Variants in DSG4 observed in about 807,000 individuals in gnomAD.
DSG4 encodes the protein desmoglein-4.
In DSG4, 87 loss-of-function variants were observed where a neutral mutation model predicts 93.1. The observed-to-expected ratio is 0.93, with a 90% CI of 0.79 to 1.12. DSG4 has a LOEUF of 1.12. Among genes scored for constraint, DSG4 ranks in the 50% most tolerant of loss-of-function variants. DSG4 has a pLI of 0.00. For missense variants in DSG4, 1,373 were observed against 1,285.7 expected, an observed-to-expected ratio of 1.07 and a Z score of -1.04; for synonymous variants, 432 against 452.9, an observed-to-expected ratio of 0.95 and a Z score of 0.59.
intron 8 of DSG4, among the ~76,000 whole-genome samples, chr18:31,393,830 C>T (rs1413262958): frequency 6.6e-6 from 1 of 152,104 alleles, no homozygotes; most frequent in Non-Finnish European, 1.5e-5. Context: ...ACTACTTTAC[C>T]ACCAAAGCAC....
chr18:31,392,875 G>A (rs754622690), intron 8 of DSG4, among the ~76,000 whole-genome samples: 6 of 152,322 alleles, frequency 3.9e-5, no homozygotes, highest in African/African-American at 9.6e-5. Flanking sequence ...GAGCAACCCC[G>A]TGGGGCTGTA....
chr18:31,408,271 CTTCAT>C (rs1473142419), intron 12 of DSG4, among the ~76,000 whole-genome samples: 1 of 152,178 alleles, frequency 6.6e-6, no homozygotes, highest in Non-Finnish European at 1.5e-5. Context: ...GCTAAAAACA[CTTCAT>C]TTCATTTATT....
chr18:31,403,784 C>T, intron 11 of DSG4, 150 bp downstream of exon 11: 1 of 724,752 alleles, frequency 1.4e-6, no homozygotes, highest in Non-Finnish European at 2.3e-6. Context: ...ATTTCATGTA[C>T]ACAGAGGATA....
At chr18:31,392,470 G>T in intron 8 of DSG4, 130 bp downstream of exon 8, 1 of 1,007,236 alleles carries the variant, frequency 9.9e-7, no homozygotes, top group Non-Finnish European at 1.5e-6. Flanking sequence ...TTATATCAAG[G>T]GTCCTAAGTA....
intron 3 of DSG4, among the ~76,000 whole-genome samples, chr18:31,387,397 C>T (rs1013212599): frequency 1.3e-5 from 2 of 152,266 alleles, no homozygotes; most frequent in South Asian, 4.1e-4. Flanking sequence ...AAGTGATCTG[C>T]AGAATTCCCT....
chr18:31,409,541 G>A lies in DSG4; in HGVS notation c.2023G>A (p.Glu675Lys), dbSNP rs1230548217. The A allele has an allele frequency of 6.2e-7, 1 of 1,614,198 alleles. No homozygotes were observed. Among genetic ancestry groups the A allele is most frequent in the East Asian group, 2.2e-5 (1 of 44,876 alleles). Reference protein sequence around the residue: ...TRFAPVPEGGEGVMQSWRIEG... With the variant: ...TRFAPVPEGGKGVMQSWRIEG... ...ATTTGCTCCTGTGCCTGAGGGCGGA[G>A]AAGGAGTGATGCAGTCTTGGAGAAT... is the stretch of plus-strand genomic sequence containing the variant. Residue 675 changes from glutamate (E) to lysine (K), a missense_variant, in exon 13 of 16, where the codon GAA becomes AAA. Transcript: ENST00000308128.
At chr18:31,377,290 C>T (rs1331495832) in intron 1 of DSG4, among the ~76,000 whole-genome samples, 1 of 152,126 alleles carries the variant, frequency 6.6e-6, no homozygotes, top group Non-Finnish European at 1.5e-5. Flanking sequence ...AGATAGATTG[C>T]TGTGAAAACT....
Position 31,403,435 on chromosome 18 carries a change from T to C in DSG4, c.1437T>C (p.Ala479=). ...LAIDDGSGKT[A]TGTICIEVPD... ...TTTCAGATGGCTCTGGAAAAACAGC[T>C]ACAGGAACCATATGTATTGAGGTTC... The change falls in exon 11 of 16, where the codon GCT becomes GCC. Residue 479 remains alanine, a synonymous_variant. Transcript: ENST00000308128. 1.9e-6 allele frequency: 3 copies of C among 1,613,158 alleles called. No homozygotes were observed. Among genetic ancestry groups the C allele is most frequent in the South Asian group, 2.2e-5 (2 of 90,910 alleles).
At chr18:31,382,876 A>G (rs2072150555) in intron 1 of DSG4, among the ~76,000 whole-genome samples, 1 of 152,172 alleles carries the variant, frequency 6.6e-6, no homozygotes. Context: ...TAAAAAATTC[A>G]GGGACAGCAA....
intron 7 of DSG4, 30 bp from the exon 8 acceptor site, chr18:31,392,125 T>G (rs374078010): frequency 1.4e-5 from 22 of 1,608,514 alleles, no homozygotes; most frequent in Non-Finnish European, 1.7e-5. Flanking sequence ...TGAAAATTCA[T>G]TGACTACAAA....
chr18:31,400,372 G>T (rs1427745670), intron 9 of DSG4, among the ~76,000 whole-genome samples: 1 of 152,160 alleles, frequency 6.6e-6, no homozygotes, highest in African/African-American at 2.4e-5. Context: ...GTAGAGACCA[G>T]ATCTTCTTCC....
intron 5 of DSG4, 22 bp from the exon 6 acceptor site, chr18:31,390,634 C>T (rs760068201): frequency 1.2e-6 from 2 of 1,613,002 alleles, no homozygotes; most frequent in East Asian, 4.5e-5. Flanking sequence ...CAACCATTCT[C>T]CACCTCCATT....
chr18:31,388,498 CAGAG>C lies in DSG4; in HGVS notation c.350_353del (p.Arg117LysfsTer2). The C allele has an allele frequency of 6.2e-7, 1 of 1,613,450 alleles. No homozygotes were observed. Among genetic ancestry groups the C allele is most frequent in the Admixed American group, 1.7e-5 (1 of 59,964 alleles). ...AAATTAACATCACTTCAGTGGTAGA[CAGAG>C]AAATAACTCCACTTTTCTTGGTAAG... On this transcript the variant is annotated frameshift_variant, in exon 4 of 16. Transcript: ENST00000308128. LOFTEE classifies it high-confidence loss of function.
At chr18:31,393,723 A>G (rs1404191209) in intron 8 of DSG4, among the ~76,000 whole-genome samples, 3 of 152,156 alleles carry the variant, frequency 2.0e-5, no homozygotes, top group Non-Finnish European at 4.4e-5. Context: ...TTCAGATAGC[A>G]TATTAGGAAG....
At chr18:31,390,592 C>A in intron 5 of DSG4, 64 bp from the exon 6 acceptor site, 1 of 1,595,554 alleles carries the variant, frequency 6.3e-7, no homozygotes, top group Non-Finnish European at 8.6e-7. Context: ...CTTCTTATGC[C>A]TAATGATTTG....
intron 15 of DSG4, among the ~76,000 whole-genome samples, chr18:31,412,207 G>T (rs1170237446): frequency 6.6e-6 from 1 of 152,150 alleles, no homozygotes; most frequent in Non-Finnish European, 1.5e-5. Flanking sequence ...ATGAAATTTT[G>T]TCATTTTGCA....
chr18:31,378,597 A>C (rs1448818907), intron 1 of DSG4, among the ~76,000 whole-genome samples: 1 of 152,172 alleles, frequency 6.6e-6, no homozygotes, highest in Non-Finnish European at 1.5e-5. Flanking sequence ...CCTTGGTAAT[A>C]CTAGCGTTTT....
At chr18:31,404,448 C>T (rs1217897664) in intron 11 of DSG4, among the ~76,000 whole-genome samples, 1 of 152,128 alleles carries the variant, frequency 6.6e-6, no homozygotes, top group East Asian at 1.9e-4. Context: ...AAAGAAAATG[C>T]TATGAGAGGA....
chr18:31,387,335 C>G (rs552631459), intron 3 of DSG4, among the ~76,000 whole-genome samples: 1 of 152,238 alleles, frequency 6.6e-6, no homozygotes, highest in East Asian at 1.9e-4. Flanking sequence ...AGGATGGGAT[C>G]CACATTAATA....
Sources: gnomAD v4.1 joint callset for allele counts (sites outside exome capture counted in the v4.1 genomes callset) on GRCh38, gnomAD v4.1.1 for gene constraint, MANE v1.5 for transcripts, NCBI Gene and HGNC (gene_info 2026-07-23, HGNC 2026-07-21) for gene names.